Variants in DOK5 observed in about 807,000 individuals in gnomAD.
The protein encoded by DOK5 is downstream of tyrosine kinase 5.
DOK5 carries 27 observed loss-of-function variants against 43.3 expected under a neutral mutation model. The observed-to-expected ratio is 0.62, with a 90% CI of 0.46 to 0.86. The LOEUF (loss-of-function observed/expected upper bound fraction) is 0.86, where lower values mean the gene tolerates loss of function less well. Ranked by LOEUF, DOK5 falls within the 40% of genes least tolerant of loss-of-function variation. DOK5 has a pLI of 0.00. For missense variants in DOK5, 373 were observed against 392.9 expected, an observed-to-expected ratio of 0.95 and a Z score of 0.43; for synonymous variants, 146 against 140.1, an observed-to-expected ratio of 1.04 and a Z score of -0.30.
intron 6 of DOK5, among the ~76,000 whole-genome samples, chr20:54,636,989 A>G (rs1319464668): frequency 6.6e-6 from 1 of 152,244 alleles, no homozygotes; most frequent in Non-Finnish European, 1.5e-5. Flanking sequence ...TTTCAGAATC[A>G]TACATGTTGT....
intron 1 of DOK5, among the ~76,000 whole-genome samples, chr20:54,513,482 A>C (rs1009143267): frequency 3.3e-5 from 5 of 151,056 alleles, no homozygotes; most frequent in South Asian, 4.2e-4. Flanking sequence ...AAAAAAAAAA[A>C]AAAAAACCCA....
chr20:54,495,407 C>T (rs6023295), intron 1 of DOK5, among the ~76,000 whole-genome samples: 3,366 of 152,238 alleles, frequency 0.022, 111 homozygotes, highest in African/African-American at 0.072. Flanking sequence ...GGATTGATTC[C>T]ACTTTAATCC....
chr20:54,595,662 A>G (rs73913611), intron 5 of DOK5, among the ~76,000 whole-genome samples: 2,246 of 152,348 alleles, frequency 0.015, 51 homozygotes, highest in African/African-American at 0.052. Flanking sequence ...TCGTAGGGAC[A>G]TAGAATATTT....
intron 4 of DOK5, among the ~76,000 whole-genome samples, chr20:54,589,280 A>AT (rs1416553094): frequency 6.6e-6 from 1 of 152,172 alleles, no homozygotes; most frequent in Non-Finnish European, 1.5e-5. Flanking sequence ...TGTCATGGGC[A>AT]TTTTTTGGTC....
intron 1 of DOK5, among the ~76,000 whole-genome samples, chr20:54,518,970 C>G (rs1234497692): frequency 1.3e-5 from 2 of 152,138 alleles, no homozygotes; most frequent in Non-Finnish European, 1.5e-5. Context: ...TCATCACTGG[C>G]CGTCAGAGAG....
intron 2 of DOK5, among the ~76,000 whole-genome samples, chr20:54,569,990 TG>T (rs1206351393): frequency 6.6e-6 from 1 of 152,228 alleles, no homozygotes; most frequent in African/African-American, 2.4e-5. Flanking sequence ...TCAAGGGTCC[TG>T]GGAGGAGCTT....
At chr20:54,542,498 T>C (rs558912651) in intron 1 of DOK5, among the ~76,000 whole-genome samples, 2 of 152,356 alleles carry the variant, frequency 1.3e-5, no homozygotes, top group South Asian at 2.1e-4. Flanking sequence ...GAAAAGCATA[T>C]ATAACTTTCT....
At chr20:54,485,353 C>CAAAA (rs546070379) in intron 1 of DOK5, among the ~76,000 whole-genome samples, 2 of 77,394 alleles carry the variant, frequency 2.6e-5, no homozygotes, top group African/African-American at 8.5e-5. Flanking sequence ...GACTCCGTCT[C>CAAAA]AAAAAAAAAA....
chr20:54,638,674 G>A (rs896058850), intron 6 of DOK5, among the ~76,000 whole-genome samples: 2 of 151,754 alleles, frequency 1.3e-5, no homozygotes, highest in African/African-American at 2.4e-5. Flanking sequence ...CATGATTTTA[G>A]TAGGTTATAC....
chr20:54,645,915 G>T, intron 7 of DOK5, among the ~76,000 whole-genome samples: 1 of 104,236 alleles, frequency 9.6e-6, no homozygotes, highest in Non-Finnish European at 1.8e-5. Flanking sequence ...ATGGCACATA[G>T]CAGATGCTGC....
At chr20:54,480,013 TCTC>T in intron 1 of DOK5, among the ~76,000 whole-genome samples, 1 of 152,050 alleles carries the variant, frequency 6.6e-6, no homozygotes, top group South Asian at 2.1e-4. Flanking sequence ...ACCCTCCTCA[TCTC>T]CTCCCTGTAA....
chr20:54,534,016 G>T (rs1983868556), intron 1 of DOK5, among the ~76,000 whole-genome samples: 1 of 151,912 alleles, frequency 6.6e-6, no homozygotes, highest in South Asian at 2.1e-4. Context: ...TTACTTTATT[G>T]TCAGGAGTAA....
intron 1 of DOK5, among the ~76,000 whole-genome samples, chr20:54,498,488 T>G (rs1363845576): frequency 6.6e-6 from 1 of 152,200 alleles, no homozygotes; most frequent in African/African-American, 2.4e-5. Flanking sequence ...GAATTGCAGC[T>G]TGGGTCAGTG....
intron 6 of DOK5, among the ~76,000 whole-genome samples, chr20:54,629,446 G>A (rs1978463695): frequency 6.6e-6 from 1 of 152,182 alleles, no homozygotes; most frequent in Non-Finnish European, 1.5e-5. Context: ...ACAAGTCTCT[G>A]TCCCATCGTC....
intron 6 of DOK5, among the ~76,000 whole-genome samples, chr20:54,623,568 G>A (rs190960173): frequency 1.0e-3 from 153 of 152,078 alleles, no homozygotes; most frequent in African/African-American, 3.6e-3. Flanking sequence ...CAGTGATTTC[G>A]TCTTTTTTTA....
chr20:54,621,393 C>T (rs1246476960), intron 6 of DOK5, among the ~76,000 whole-genome samples: 2 of 152,084 alleles, frequency 1.3e-5, no homozygotes, highest in Admixed American at 6.6e-5. Context: ...ACTTCAAGTA[C>T]ATAAAAATGC....
chr20:54,620,808 T>A (rs1332392950), intron 6 of DOK5, among the ~76,000 whole-genome samples: 1 of 152,128 alleles, frequency 6.6e-6, no homozygotes, highest in African/African-American at 2.4e-5. Flanking sequence ...TTAACAAGTA[T>A]TTGCTGAGCC....
At chr20:54,611,128 C>T (rs999206093) in intron 6 of DOK5, among the ~76,000 whole-genome samples, 3 of 152,206 alleles carry the variant, frequency 2.0e-5, no homozygotes, top group Non-Finnish European at 2.9e-5. Flanking sequence ...CTGCTACCCA[C>T]AGCCATGCGT....
intron 2 of DOK5, among the ~76,000 whole-genome samples, chr20:54,587,018 A>T (rs1287822123): frequency 6.6e-6 from 1 of 152,160 alleles, no homozygotes; most frequent in Non-Finnish European, 1.5e-5. Flanking sequence ...TTGAAAAAAA[A>T]ATCTGCTATG....
Sources: gnomAD v4.1 joint callset for allele counts (sites outside exome capture counted in the v4.1 genomes callset) on GRCh38, gnomAD v4.1.1 for gene constraint, MANE v1.5 for transcripts, NCBI Gene and HGNC (gene_info 2026-07-23, HGNC 2026-07-21) for gene names.